The following TRMT6 variants were observed in gnomAD, a reference collection of about 807,000 sequenced individuals.
TRMT6 encodes tRNA (adenine(58)-N(1))-methyltransferase non-catalytic subunit TRM6.
In TRMT6, 34 loss-of-function variants were observed where a neutral mutation model predicts 59.0. The ratio of observed to expected loss-of-function variants is 0.58; its 90% CI spans 0.44 to 0.77. The LOEUF (loss-of-function observed/expected upper bound fraction) is 0.77. Among genes scored for constraint, TRMT6 ranks in the 30% least tolerant of loss-of-function variants. The pLI, the probability that TRMT6 is intolerant of heterozygous loss-of-function variation, is 0.00. For missense variants in TRMT6, 575 were observed against 604.5 expected, an observed-to-expected ratio of 0.95 and a Z score of 0.51; for synonymous variants, 217 against 210.5, an observed-to-expected ratio of 1.03 and a Z score of -0.27.
chr20:5,946,643 G>A, intron 1 of TRMT6, 110 bp from the exon 2 acceptor site: 1 of 966,184 alleles, frequency 1.0e-6, no homozygotes, highest in Non-Finnish European at 1.5e-6. Context: ...ATGATCAGCA[G>A]CATTATCTCT....
intron 1 of TRMT6, among the ~76,000 whole-genome samples, chr20:5,948,570 C>G (rs767848279): frequency 5.9e-5 from 9 of 152,090 alleles, no homozygotes; most frequent in Admixed American, 1.3e-4. Context: ...AGGTCAACTA[C>G]TGTTCATGCC....
intron 1 of TRMT6, among the ~76,000 whole-genome samples, chr20:5,948,188 G>C (rs1395018632): frequency 1.3e-5 from 2 of 152,120 alleles, no homozygotes; most frequent in Non-Finnish European, 1.5e-5. Context: ...ACCTCTCTGA[G>C]AGCCTATGTG....
chr20:5,950,432 C>T lies in TRMT6; in HGVS notation c.-27G>A, dbSNP rs1215973565. The T allele has an allele frequency of 2.0e-6, 3 of 1,521,070 alleles. No homozygotes were observed. The highest frequency in any genetic ancestry group is 1.8e-4 in the Middle Eastern group (1 of 5,618). The allele number at this position is 1,521,070 out of a possible 1,614,324, so 94.2% of individuals were successfully genotyped here. ...ACGCTCAGCCGGTCGCCGTGCTCCACGGCGTCCCGCCCCTCCTCCTCGGTT... is the reference window on the plus strand; with the variant it reads ...ACGCTCAGCCGGTCGCCGTGCTCCATGGCGTCCCGCCCCTCCTCCTCGGTT... On this transcript the variant is annotated 5_prime_UTR_variant, in exon 1 of 11. The change creates a new upstream start codon in the 5' untranslated region. Coordinates refer to ENST00000203001, the MANE Select transcript of TRMT6 (RefSeq NM_015939.5).
intron 7 of TRMT6, 31 bp downstream of exon 7, chr20:5,942,397 T>C (rs1220697780): frequency 1.3e-6 from 2 of 1,576,974 alleles, no homozygotes; most frequent in Non-Finnish European, 8.7e-7. Flanking sequence ...ACTGAGATTA[T>C]GGGGGTGGTG....
At chr20:5,941,880 G>A (rs1441377000) in intron 8 of TRMT6, 71 bp downstream of exon 8, 5 of 1,299,230 alleles carry the variant, frequency 3.8e-6, no homozygotes, top group Non-Finnish European at 5.5e-6. Flanking sequence ...CAAGGAGAAA[G>A]AGAATGCCAA....
At chr20:5,941,923 A>G (rs1279098771) in intron 8 of TRMT6, 28 bp downstream of exon 8, 1 of 1,585,020 alleles carries the variant, frequency 6.3e-7, no homozygotes, top group East Asian at 2.2e-5. Context: ...TGCACTGAGG[A>G]GTCTCCTGCC....
At chr20:5,941,001 A>G in intron 10 of TRMT6, 52 bp downstream of exon 10, 4 of 1,378,210 alleles carry the variant, frequency 2.9e-6, no homozygotes, top group East Asian at 2.3e-5. Context: ...TACTGCAAGG[A>G]AAGTCAAGTC....
At chr20:5,948,465 T>C (rs1031486866) in intron 1 of TRMT6, among the ~76,000 whole-genome samples, 1 of 152,156 alleles carries the variant, frequency 6.6e-6, no homozygotes, top group Non-Finnish European at 1.5e-5. Flanking sequence ...AAACTGCCAC[T>C]ATGACTTCTG....
At chr20:5,946,166 T>A (rs2088704408) in intron 2 of TRMT6, among the ~76,000 whole-genome samples, 1 of 152,228 alleles carries the variant, frequency 6.6e-6, no homozygotes, top group African/African-American at 2.4e-5. Flanking sequence ...CAACGACTCA[T>A]AGGATTAAAT....
Position 5,949,839 on chromosome 20 carries a change from G to A in TRMT6, c.128+439C>T, listed in dbSNP as rs143538646. Among the ~76,000 whole-genome samples, 611 of 152,272 alleles carry A rather than the reference G, an allele frequency of 4.0e-3. 5 individuals carry two copies. Among genetic ancestry groups the A allele is most frequent in the Non-Finnish European group, 6.7e-3 (458 of 68,018 alleles). ...AAGGAGACTCTGGAGACAAGGATGA[G>A]ATCCTAAAGTGAAGAAAGGAGGGGG... On this transcript the variant is annotated intron_variant, in intron 1 of 10. Coordinates refer to ENST00000203001, the MANE Select transcript of TRMT6 (RefSeq NM_015939.5).
intron 8 of TRMT6, 156 bp from the exon 9 acceptor site, chr20:5,941,501 T>C (rs1278707965): frequency 1.6e-6 from 1 of 633,196 alleles, no homozygotes; most frequent in Non-Finnish European, 2.7e-6. Context: ...CAGAATACAA[T>C]CATGAGCTAT....
intron 3 of TRMT6, 80 bp downstream of exon 3, chr20:5,944,725 G>A (rs553488985): frequency 6.8e-6 from 7 of 1,027,704 alleles, no homozygotes. Flanking sequence ...TTTACCTTAG[G>A]TACAGTCTGC....
rs1323848578 is a variant in TRMT6 at position 5,937,533 on chromosome 20, G to A, written c.*1002C>T. 1 of 152,180 alleles carries A rather than the reference G, an allele frequency of 6.6e-6. No individual in the cohort carries two copies. Among genetic ancestry groups the A allele is most frequent in the Non-Finnish European group, 1.5e-5 (1 of 68,032 alleles). 9.4% of individuals were successfully genotyped at this position (152,180 alleles called of 1,614,324 possible). On this transcript the variant is annotated 3_prime_UTR_variant, in exon 11 of 11. Transcript: ENST00000203001. Reference sequence around the variant, plus strand: ...TTAGAAAGGGTAACCATCTAATCATGACAGAGTTCTTCAGCATTAATAATC... The same window carrying A: ...TTAGAAAGGGTAACCATCTAATCATAACAGAGTTCTTCAGCATTAATAATC...
chr20:5,950,439 C>G lies in TRMT6; in HGVS notation c.-34G>C. 1 of 1,556,098 alleles carries G rather than the reference C, an allele frequency of 6.4e-7. No individual in the cohort carries two copies. On this transcript the variant is annotated 5_prime_UTR_variant, in exon 1 of 11. Coordinates refer to ENST00000203001, the MANE Select transcript of TRMT6 (RefSeq NM_015939.5). ...GCCGGTCGCCGTGCTCCACGGCGTC[C>G]CGCCCCTCCTCCTCGGTTGTCGCCA...
In TRMT6 at chr20:5,938,456, C is replaced by T. The variant is rs61554382; in HGVS notation, c.*79G>A. The T allele has an allele frequency of 2.1e-6, 3 of 1,399,780 alleles. No homozygotes were observed. In the African/African-American group the frequency reaches 4.3e-5, roughly 20 times the overall value. The allele number at this position is 1,399,780 out of a possible 1,614,324, so 86.7% of individuals were successfully genotyped here. On this transcript the variant is annotated 3_prime_UTR_variant, in exon 11 of 11. Transcript: ENST00000203001. ...TTCTTATTCTTGGGATATGAAAAAA[C>T]AAGTAGTAATGGCATTTAAAGTTTA...
chr20:5,941,387 A>C, intron 8 of TRMT6, 42 bp from the exon 9 acceptor site: 5 of 1,421,070 alleles, frequency 3.5e-6, no homozygotes, highest in Non-Finnish European at 5.0e-6. Flanking sequence ...CTACACCCTC[A>C]AAGTGGAGCA....
At chr20:5,938,993 A>G (rs1258877724) in intron 10 of TRMT6, among the ~76,000 whole-genome samples, 1 of 148,386 alleles carries the variant, frequency 6.7e-6, no homozygotes, top group East Asian at 2.0e-4. Flanking sequence ...GCTGGAGTGC[A>G]GTAGTGAGAT....
At chr20:5,941,535 G>C (rs916551650) in intron 8 of TRMT6, 190 bp from the exon 9 acceptor site, 30 of 587,702 alleles carry the variant, frequency 5.1e-5, no homozygotes, top group Middle Eastern at 4.4e-4. Flanking sequence ...ACGCGAACTA[G>C]GTTAGAAGCT....
rs2088618846 is a variant in TRMT6, at chr20:5,937,633, A to G, written c.*902T>C. On this transcript the variant is annotated 3_prime_UTR_variant, in exon 11 of 11. Coordinates refer to ENST00000203001, the MANE Select transcript of TRMT6 (RefSeq NM_015939.5). ...AGAATTGGTCTAAGTCCTGCACAAG[A>G]CTTTGATACAGTTCAAATAGACTGC... The G allele has an allele frequency of 6.6e-6, 1 of 152,104 alleles. No individual in the cohort carries two copies. Among genetic ancestry groups the G allele is most frequent in the Non-Finnish European group, 1.5e-5 (1 of 68,006 alleles). The allele number at this position is 152,104 out of a possible 1,614,324, so 9.4% of individuals were successfully genotyped here.
Sources: allele counts gnomAD v4.1 joint callset (sites outside exome capture counted in the v4.1 genomes callset), GRCh38; gene constraint gnomAD v4.1.1; transcripts MANE v1.5; gene names NCBI Gene and HGNC (gene_info 2026-07-23, HGNC 2026-07-21).